BABAM1: variants seen among roughly 807,000 people sequenced by gnomAD.
The protein encoded by BABAM1 is BRISC and BRCA1-A complex member 1.
Under a neutral mutation model 34.4 loss-of-function variants are expected in BABAM1, and 14 were observed. The ratio of observed to expected loss-of-function variants is 0.41; its 90% CI spans 0.27 to 0.64. The LOEUF is 0.64. Ranked by LOEUF, BABAM1 falls within the 30% of genes least tolerant of loss-of-function variation. BABAM1 has a pLI of 0.34. For synonymous variants in BABAM1, 169 were observed against 165.8 expected (o/e 1.02, Z -0.15); for missense variants, 393 against 434.0 (o/e 0.91, Z 0.84).
intron 3 of BABAM1, 86 bp downstream of exon 3, chr19:17,271,741 C>T (rs2073843703): frequency 1.4e-6 from 2 of 1,455,218 alleles, no homozygotes. Flanking sequence ...CTCTGAAACT[C>T]ACACCAGCTT....
intron 6 of BABAM1, 194 bp from the exon 7 acceptor site, chr19:17,276,301 C>A: frequency 1.3e-6 from 1 of 763,680 alleles, no homozygotes; most frequent in Non-Finnish European, 2.1e-6. Context: ...CACCATTGCA[C>A]TTAGAGGGGT....
chr19:17,269,348 CTTT>C (rs71334696), intron 2 of BABAM1, among the ~76,000 whole-genome samples: 2 of 123,044 alleles, frequency 1.6e-5, no homozygotes, highest in Admixed American at 8.5e-5. Context: ...TTTTGTCTGT[CTTT>C]TTTTTTTTTT....
chr19:17,274,160 G>A lies in BABAM1; in HGVS notation c.519G>A (p.Leu173=). The A allele has an allele frequency of 6.2e-7, 1 of 1,613,464 alleles. No individual in the cohort carries two copies. The highest frequency in any genetic ancestry group is 8.5e-7 in the Non-Finnish European group (1 of 1,179,892). Residue 173 remains leucine (L), a synonymous_variant, in exon 5 of 9, where the codon CTG becomes CTA. Transcript: ENST00000598188. The part of the protein sequence containing the change: ...PRELCSCLYD[L]ETASCSTFNL... ...AGCTCTGTAGCTGCCTCTATGATCTGGAGACGGCCTCCTGTTCCACCTTCA... is the reference window on the plus strand; with the variant it reads ...AGCTCTGTAGCTGCCTCTATGATCTAGAGACGGCCTCCTGTTCCACCTTCA...
chr19:17,271,755 C>A, intron 3 of BABAM1, 100 bp downstream of exon 3: 1 of 1,365,550 alleles, frequency 7.3e-7, no homozygotes, highest in South Asian at 1.3e-5. Flanking sequence ...CCAGCTTGGT[C>A]TGGCTTCAGG....
intron 8 of BABAM1, among the ~76,000 whole-genome samples, chr19:17,277,692 C>T (rs1034111334): frequency 1.3e-5 from 2 of 152,122 alleles, no homozygotes; most frequent in Non-Finnish European, 2.9e-5. Context: ...AGACCAGCTC[C>T]TCCTTATATC....
chr19:17,278,967 G>T lies in BABAM1; in HGVS notation c.909G>T (p.Leu303=). 6.2e-7 allele frequency: 1 copy of T among 1,612,922 alleles called. No homozygotes were observed. The highest frequency in any genetic ancestry group is 2.2e-5 in the East Asian group (1 of 44,868). The part of the protein sequence containing the change: ...NCMAKLLAHP[L]QRPCQSHASY... ...TGGCGAAACTGTTGGCCCACCCCCT[G>T]CAGCGGCCTTGCCAGAGCCATGCTT... Residue 303 remains leucine (L), a synonymous_variant, in exon 9 of 9, where the codon CTG becomes CTT. Transcript: ENST00000598188.
chr19:17,270,024 G>A (rs1235044085), intron 2 of BABAM1, among the ~76,000 whole-genome samples: 3 of 151,506 alleles, frequency 2.0e-5, no homozygotes, highest in African/African-American at 2.4e-5. Flanking sequence ...TCTGCCTCCC[G>A]GGTTCATGCC....
chr19:17,273,564 G>GTTTTTTTTTTTTTTTTTTTTTTTTTTTT (rs754203595), intron 3 of BABAM1, among the ~76,000 whole-genome samples: 1 of 45,940 alleles, frequency 2.2e-5, no homozygotes, highest in South Asian at 6.4e-4. Context: ...TGTTTGTTTT[G>GTTTTTTTTTTTTTTTTTTTTTTTTTTTT]TTTTTTTTTT....
Position 17,279,035 on chromosome 19 carries a change from A to T in BABAM1, c.977A>T (p.Glu326Val). 1 of 1,611,320 alleles carries T rather than the reference A, an allele frequency of 6.2e-7. No individual in the cohort carries two copies. The highest frequency in any genetic ancestry group is 8.5e-7 in the Non-Finnish European group (1 of 1,178,914). Residue 326 changes from glutamate (E) to valine (V), a missense_variant, in exon 9 of 9, where the codon GAG becomes GTG. Coordinates refer to ENST00000598188, the MANE Select transcript of BABAM1 (RefSeq NM_014173.4). ...LEEEDEAIEV[E>V]ATV ...GAGGAGGATGAAGCCATTGAGGTTG[A>T]GGCCACTGTCTGAACCATCCCTGTA... is the stretch of plus-strand genomic sequence containing the variant.
At position 17,276,576 on chromosome 19, in the gene BABAM1, C is replaced by T. The variant is rs1229686713; in HGVS notation, c.651C>T (p.Tyr217=). 1.2e-6 allele frequency: 2 copies of T among 1,606,384 alleles called. No homozygotes were observed. Among genetic ancestry groups the T allele is most frequent in the Non-Finnish European group, 1.7e-6 (2 of 1,176,636 alleles). The part of the protein sequence containing the change: ...PPYVVRTILV[Y]SRPPCQPQFS... ...ATGTGGTCCGCACCATCCTTGTCTA[C>T]AGCCGTCCACCTTGCCAGCCCCAGT... Residue 217 remains tyrosine (Y), a synonymous_variant, in exon 7 of 9, where the codon TAC becomes TAT. Coordinates refer to ENST00000598188, the MANE Select transcript of BABAM1 (RefSeq NM_014173.4).
At chr19:17,268,298 G>A (rs893422599) in intron 1 of BABAM1, among the ~76,000 whole-genome samples, 3 of 151,994 alleles carry the variant, frequency 2.0e-5, no homozygotes, top group African/African-American at 7.2e-5. Context: ...GTTATCTTAT[G>A]TCGGAGTGGC....
Position 17,274,303 on chromosome 19 carries a change from C to G in BABAM1, c.544+118C>G, listed in dbSNP as rs990815395. ...GCTGAGGTTCAGATCTCAGATCTGC[C>G]AAGGCTGGGAAAGTCACCCCTCTGA... On this transcript the variant is annotated intron_variant, in intron 5 of 8. Transcript: ENST00000598188. 6 of 1,329,046 alleles carry G rather than the reference C, an allele frequency of 4.5e-6. No individual in the cohort carries two copies. The East Asian group carries it at 1.4e-4, about 31-fold the overall frequency. 82.3% of individuals were successfully genotyped at this position (1,329,046 alleles called of 1,614,324 possible).
At chr19:17,271,540 G>A in intron 2 of BABAM1, 57 bp from the exon 3 acceptor site, 1 of 1,579,224 alleles carries the variant, frequency 6.3e-7, no homozygotes, top group Non-Finnish European at 8.7e-7. Context: ...CCAGTGAGTG[G>A]TGTGGGGGCC....
chr19:17,278,201 GTAAAA>G (rs1392358867), intron 8 of BABAM1, among the ~76,000 whole-genome samples: 1 of 151,850 alleles, frequency 6.6e-6, no homozygotes, highest in Non-Finnish European at 1.5e-5. Context: ...AATAAAATAA[GTAAAA>G]TAAAAAGTCC....
Position 17,275,698 on chromosome 19 carries a change from C to T in BABAM1, c.545-103C>T, listed in dbSNP as rs1049314275. On this transcript the variant is annotated intron_variant, in intron 5 of 8. Transcript: ENST00000598188. ...GTGACTTGGCCAGGGTCACATGGTG[C>T]GTCCCTAGGGGTGCCGGGTCTCCTC... 8 of 1,446,240 alleles carry T rather than the reference C, an allele frequency of 5.5e-6. No homozygotes were observed. In the African/African-American group the frequency reaches 5.6e-5, roughly 10 times the overall value. 89.6% of individuals were successfully genotyped at this position (1,446,240 alleles called of 1,614,324 possible).
At chr19:17,270,524 CTTT>C (rs955870596) in intron 2 of BABAM1, among the ~76,000 whole-genome samples, 3 of 125,870 alleles carry the variant, frequency 2.4e-5, no homozygotes, top group African/African-American at 3.0e-5. Flanking sequence ...AGGTCACATT[CTTT>C]TTTTTTTTTT....
intron 5 of BABAM1, 155 bp from the exon 6 acceptor site, chr19:17,275,646 G>A: frequency 2.3e-6 from 2 of 852,368 alleles, no homozygotes; most frequent in South Asian, 1.5e-5. Context: ...TCCATGCTGA[G>A]GGGAATTTGT....
At chr19:17,272,003 T>C (rs1477524705) in intron 3 of BABAM1, among the ~76,000 whole-genome samples, 1 of 152,182 alleles carries the variant, frequency 6.6e-6, no homozygotes, top group African/African-American at 2.4e-5. Flanking sequence ...TGCAATGGCA[T>C]GAGCTCAGCT....
At chr19:17,278,560 C>T (rs993667313) in intron 8 of BABAM1, among the ~76,000 whole-genome samples, 3 of 151,976 alleles carry the variant, frequency 2.0e-5, no homozygotes, top group Admixed American at 1.3e-4. Flanking sequence ...CTGCCCGCCT[C>T]AGCCTCCCAA....
Sources: allele counts gnomAD v4.1 joint callset (sites outside exome capture counted in the v4.1 genomes callset), GRCh38; gene constraint gnomAD v4.1.1; transcripts MANE v1.5; gene names NCBI Gene and HGNC (gene_info 2026-07-23, HGNC 2026-07-21).